The following RALYL variants were observed in gnomAD, a reference collection of about 807,000 sequenced individuals.
RALYL encodes the protein RALY RNA binding protein like.
A neutral mutation model predicts 35.1 loss-of-function variants in RALYL; 29 were observed. The ratio of observed to expected loss-of-function variants is 0.83; its 90% confidence interval spans 0.61 to 1.13. The LOEUF (loss-of-function observed/expected upper bound fraction) is 1.13, where lower values mean the gene tolerates loss of function less well. Among genes scored for constraint, RALYL ranks in the 50% most tolerant of loss-of-function variants. RALYL has a pLI of 0.00. For missense variants in RALYL, 359 were observed against 360.4 expected, an observed-to-expected ratio of 1.00 and a Z score of 0.03; for synonymous variants, 120 against 127.6, an observed-to-expected ratio of 0.94 and a Z score of 0.40.
At chr8:84,240,657 C>T (rs1030645633) in intron 1 of RALYL, among the ~76,000 whole-genome samples, 2 of 152,120 alleles carry the variant, frequency 1.3e-5, no homozygotes, top group East Asian at 1.9e-4. Context: ...AAAAAGTTCT[C>T]ATGGAAAGAC....
At chr8:84,721,508 C>T (rs189984507) in intron 2 of RALYL, among the ~76,000 whole-genome samples, 46 of 152,256 alleles carry the variant, frequency 3.0e-4, no homozygotes, top group Admixed American at 6.5e-4. Context: ...TAGCTGATAA[C>T]ACGTTCAGAA....
intron 1 of RALYL, among the ~76,000 whole-genome samples, chr8:84,491,674 C>T (rs1422465532): frequency 2.0e-5 from 3 of 151,852 alleles, no homozygotes; most frequent in African/African-American, 7.2e-5. Context: ...AACAAACAAA[C>T]AAAACAACTT....
chr8:84,735,962 C>T (rs971548283), intron 2 of RALYL, among the ~76,000 whole-genome samples: 1 of 151,918 alleles, frequency 6.6e-6, no homozygotes, highest in Non-Finnish European at 1.5e-5. Flanking sequence ...CAAAATACTG[C>T]AAAGTCAAAC....
At chr8:84,231,707 C>A (rs1455569183) in intron 1 of RALYL, among the ~76,000 whole-genome samples, 2 of 152,162 alleles carry the variant, frequency 1.3e-5, no homozygotes, top group African/African-American at 4.8e-5. Context: ...TTTACATCTG[C>A]AAATATCTCT....
chr8:84,490,799 C>T (rs2055204394), intron 1 of RALYL, among the ~76,000 whole-genome samples: 1 of 151,566 alleles, frequency 6.6e-6, no homozygotes, highest in South Asian at 2.1e-4. Flanking sequence ...TGGTAACTGA[C>T]TGTGGAAGAT....
intron 1 of RALYL, among the ~76,000 whole-genome samples, chr8:84,202,980 A>G (rs1329960145): frequency 6.6e-6 from 1 of 152,204 alleles, no homozygotes; most frequent in East Asian, 1.9e-4. Context: ...AAACAGAATT[A>G]CACAGGAACG....
intron 1 of RALYL, among the ~76,000 whole-genome samples, chr8:84,338,175 T>C (rs568180255): frequency 6.6e-6 from 1 of 152,120 alleles, no homozygotes; most frequent in East Asian, 1.9e-4. Context: ...AAAAAAAAAC[T>C]TTATTTATAA....
chr8:84,276,552 TAGG>T (rs1429473373), intron 1 of RALYL, among the ~76,000 whole-genome samples: 1 of 152,136 alleles, frequency 6.6e-6, no homozygotes, highest in Non-Finnish European at 1.5e-5. Flanking sequence ...AAGTTGAAAA[TAGG>T]AGACATAAAG....
At chr8:84,707,230 C>G (rs934512325) in intron 2 of RALYL, among the ~76,000 whole-genome samples, 3 of 152,084 alleles carry the variant, frequency 2.0e-5, no homozygotes, top group African/African-American at 7.2e-5. Context: ...CCTTTTGATG[C>G]CAGTTCTTTC....
chr8:84,523,002 C>CACAT (rs2058582768), intron 1 of RALYL, among the ~76,000 whole-genome samples: 1 of 152,104 alleles, frequency 6.6e-6, no homozygotes, highest in Admixed American at 6.5e-5. Context: ...GGAGCAAAGG[C>CACAT]ACATCTTACA....
rs958528785 is a variant in RALYL, at chr8:84,419,706, C to A, written c.-23-109593C>A. 8.4e-5 allele frequency among the ~76,000 whole-genome samples: 10 copies of A among 119,676 alleles called. No homozygotes were observed. The South Asian group carries it at 1.6e-3, about 19-fold the overall frequency. The allele number at this position is 119,676 out of a possible 152,430, so 78.5% of individuals were successfully genotyped here. A position where few individuals can be genotyped will look rare whatever the true frequency, so the allele number is the denominator to read the frequency against. On this transcript the variant is annotated intron_variant, in intron 1 of 8. Coordinates refer to ENST00000521268, the MANE Select transcript of RALYL (RefSeq NM_173848.7). ...TGCTGTCCCTCCCCCCTCCCCCCAC[C>A]CCACAACAGTCCCCAGAGTGTGATA...
At chr8:84,694,275 T>C in intron 2 of RALYL, among the ~76,000 whole-genome samples, 1 of 151,942 alleles carries the variant, frequency 6.6e-6, no homozygotes, top group Non-Finnish European at 1.5e-5. Context: ...TCATTAAAGT[T>C]GCAGGATACA....
At chr8:84,750,037 G>T (rs760360391) in intron 2 of RALYL, among the ~76,000 whole-genome samples, 1 of 152,120 alleles carries the variant, frequency 6.6e-6, no homozygotes, top group Non-Finnish European at 1.5e-5. Flanking sequence ...AGCTGCTCCA[G>T]CCAGTTAGCT....
At chr8:84,416,878 A>T (rs2044764938) in intron 1 of RALYL, among the ~76,000 whole-genome samples, 2 of 152,212 alleles carry the variant, frequency 1.3e-5, no homozygotes, top group African/African-American at 4.8e-5. Flanking sequence ...TGGTAAATGC[A>T]TACATAGGAA....
intron 2 of RALYL, among the ~76,000 whole-genome samples, chr8:84,645,827 T>C (rs1827368152): frequency 6.6e-6 from 1 of 152,064 alleles, no homozygotes; most frequent in Non-Finnish European, 1.5e-5. Context: ...TTCATGTTGG[T>C]TTTATTTTTG....
intron 3 of RALYL, among the ~76,000 whole-genome samples, chr8:84,800,519 T>A (rs1214859665): frequency 1.3e-5 from 2 of 152,330 alleles, no homozygotes; most frequent in African/African-American, 4.8e-5. Context: ...ATTTCTCCAC[T>A]ATGTCTTACT....
chr8:84,217,781 A>G (rs558486507), intron 1 of RALYL, among the ~76,000 whole-genome samples: 1 of 152,256 alleles, frequency 6.6e-6, no homozygotes, highest in African/African-American at 2.4e-5. Context: ...TATGATCTGC[A>G]TAACTAGGCT....
At chr8:84,689,669 G>A (rs1471093902) in intron 2 of RALYL, among the ~76,000 whole-genome samples, 1 of 152,106 alleles carries the variant, frequency 6.6e-6, no homozygotes, top group African/African-American at 2.4e-5. Flanking sequence ...TTCCACAAGG[G>A]TTGAACTAGT....
intron 2 of RALYL, among the ~76,000 whole-genome samples, chr8:84,605,072 C>G (rs1816812230): frequency 6.6e-6 from 1 of 152,044 alleles, no homozygotes; most frequent in African/African-American, 2.4e-5. Context: ...TAAAGTAAAT[C>G]AAGGGAAGTC....
Sources: allele counts gnomAD v4.1 joint callset (sites outside exome capture counted in the v4.1 genomes callset), GRCh38; gene constraint gnomAD v4.1.1; transcripts MANE v1.5; gene names NCBI Gene and HGNC (gene_info 2026-07-23, HGNC 2026-07-21).